Variants in NSL1 observed in about 807,000 individuals in gnomAD.
NSL1 encodes NSL1 component of MIS12 kinetochore complex, also known as kinetochore-associated protein NSL1 homolog.
In NSL1, 11 loss-of-function variants were observed where a neutral mutation model predicts 25.4. The observed-to-expected ratio is 0.43, with a 90% confidence interval of 0.27 to 0.72. NSL1 has a LOEUF of 0.72. Among genes scored for constraint, NSL1 ranks in the 30% least tolerant of loss-of-function variants. The pLI is 0.19. For synonymous variants in NSL1, 118 were observed against 120.6 expected, an observed-to-expected ratio of 0.98 and a Z score of 0.14; for missense variants, 330 against 342.7, an observed-to-expected ratio of 0.96 and a Z score of 0.29.
intron 4 of NSL1, among the ~76,000 whole-genome samples, chr1:212,750,230 A>T (rs1659002808): frequency 6.6e-6 from 1 of 152,104 alleles, no homozygotes; most frequent in Non-Finnish European, 1.5e-5. Context: ...AGATCAATCT[A>T]ACAAGGGAAC....
intron 4 of NSL1, among the ~76,000 whole-genome samples, chr1:212,768,727 G>A (rs1039599936): frequency 5.9e-5 from 9 of 152,156 alleles, no homozygotes; most frequent in Admixed American, 2.6e-4. Context: ...TTTGGGGTAA[G>A]GTTGTGGGGC....
At chr1:212,782,074 A>T in intron 4 of NSL1, 1 of 621,856 alleles carries the variant, frequency 1.6e-6, no homozygotes, top group Non-Finnish European at 3.1e-6. Context: ...TAGATAGTAC[A>T]ATGACAGAGA....
Position 212,727,358 on chromosome 1 carries a change from C to A in NSL1, c.*11050G>T. The A allele has an allele frequency of 1.0e-6, 1 of 985,420 alleles. No homozygotes were observed. The highest frequency in any genetic ancestry group is 1.2e-6 in the Non-Finnish European group (1 of 829,916). The allele number at this position is 985,420 out of a possible 1,614,324, so 61.0% of individuals were successfully genotyped here. ...GTAAGTCCTGGCACTCAGCACATGG[C>A]AGGAAGGTCACTTAACCAGGGAAAT... On this transcript the variant is annotated 3_prime_UTR_variant, in exon 6 of 6. Transcript: ENST00000366977.
At chr1:212,745,594 G>C (rs1469137942) in intron 4 of NSL1, among the ~76,000 whole-genome samples, 1 of 152,156 alleles carries the variant, frequency 6.6e-6, no homozygotes, top group Non-Finnish European at 1.5e-5. Flanking sequence ...AAAAAAATCT[G>C]TCCACCAAGA....
At chr1:212,788,522 CCAAAAAA>C (rs934579267) in intron 1 of NSL1, among the ~76,000 whole-genome samples, 17 of 151,746 alleles carry the variant, frequency 1.1e-4, no homozygotes, top group South Asian at 2.1e-4. Context: ...AGATAAAGAA[CCAAAAAA>C]CAAAAAACAA....
chr1:212,731,729 A>G lies in NSL1; in HGVS notation c.*6679T>C. ...GCTTTTTAGACATCCACTGACTTCC[A>G]GTTGTGGTGGGTGAAGATTTCACTC... is the stretch of plus-strand genomic sequence containing the variant. On this transcript the variant is annotated 3_prime_UTR_variant, in exon 6 of 6. Coordinates refer to ENST00000366977, the MANE Select transcript of NSL1 (RefSeq NM_015471.4). 1 of 985,410 alleles carries G rather than the reference A, an allele frequency of 1.0e-6. No individual in the cohort carries two copies. The highest frequency in any genetic ancestry group is 1.7e-5 in the African/African-American group (1 of 57,352). The allele number at this position is 985,410 out of a possible 1,614,324, so 61.0% of individuals were successfully genotyped here. A position where few individuals can be genotyped will look rare whatever the true frequency, so the allele number is the denominator to read the frequency against.
chr1:212,734,256 C>A lies in NSL1; in HGVS notation c.*4152G>T, dbSNP rs1346057562. 6.6e-6 allele frequency among the ~76,000 whole-genome samples: 1 copy of A among 152,270 alleles called. No homozygotes were observed. Among genetic ancestry groups the A allele is most frequent in the Non-Finnish European group, 1.5e-5 (1 of 68,024 alleles). On this transcript the variant is annotated 3_prime_UTR_variant, in exon 6 of 6. Transcript: ENST00000366977. Reference sequence around the variant, plus strand: ...TTAATTCACTCAGTTAACCACTATGCATCGAGGGCCCATCATGTGCCAGCA... The same window carrying A: ...TTAATTCACTCAGTTAACCACTATGAATCGAGGGCCCATCATGTGCCAGCA...
chr1:212,787,473 A>G (rs1660993502), intron 2 of NSL1, 86 bp downstream of exon 2: 2 of 899,798 alleles, frequency 2.2e-6, no homozygotes, highest in Non-Finnish European at 3.5e-6. Flanking sequence ...ATGACACTAA[A>G]TATGGAGATT....
intron 4 of NSL1, among the ~76,000 whole-genome samples, chr1:212,779,670 C>T (rs537788360): frequency 8.6e-6 from 1 of 115,914 alleles, no homozygotes; most frequent in South Asian, 3.1e-4. Context: ...CTCTGCCTGG[C>T]CGCCCCTACT....
chr1:212,732,001 C>CT lies in NSL1; in HGVS notation c.*6406dup, dbSNP rs1028682045. The CT allele has an allele frequency of 2.0e-6, 2 of 984,704 alleles. No homozygotes were observed. The highest frequency in any genetic ancestry group is 3.5e-5 in the African/African-American group (2 of 56,952). 61.0% of individuals were successfully genotyped at this position (984,704 alleles called of 1,614,324 possible). A position where few individuals can be genotyped will look rare whatever the true frequency, so the allele number is the denominator to read the frequency against. On this transcript the variant is annotated 3_prime_UTR_variant, in exon 6 of 6. Coordinates refer to ENST00000366977, the MANE Select transcript of NSL1 (RefSeq NM_015471.4). ...GCTGTACTAATTGCTAATTCCCATC[C>CT]TTTAGCCTCCCAGTGTAACTGTCCC... is the stretch of plus-strand genomic sequence containing the variant.
chr1:212,736,645 A>T lies in NSL1; in HGVS notation c.*1763T>A, dbSNP rs1159949359. The T allele has an allele frequency of 1.0e-6, 1 of 985,150 alleles. No individual in the cohort carries two copies. Among genetic ancestry groups the T allele is most frequent in the East Asian group, 1.1e-4 (1 of 8,832 alleles). 61.0% of individuals were successfully genotyped at this position (985,150 alleles called of 1,614,324 possible). ...CTATGGAGTAAAACTTTGGGCTCTCAAGAGGATTTCAAATCTCAGCTGTCT... is the reference window on the plus strand; with the variant it reads ...CTATGGAGTAAAACTTTGGGCTCTCTAGAGGATTTCAAATCTCAGCTGTCT... On this transcript the variant is annotated 3_prime_UTR_variant, in exon 6 of 6. Coordinates refer to ENST00000366977, the MANE Select transcript of NSL1 (RefSeq NM_015471.4).
At chr1:212,790,428 T>C (rs977379805) in intron 1 of NSL1, among the ~76,000 whole-genome samples, 1 of 152,178 alleles carries the variant, frequency 6.6e-6, no homozygotes, top group African/African-American at 2.4e-5. Flanking sequence ...TACATTTGCC[T>C]CTATACCACA....
chr1:212,744,511 G>GA (rs982895014), intron 4 of NSL1, among the ~76,000 whole-genome samples: 2 of 151,910 alleles, frequency 1.3e-5, no homozygotes, highest in African/African-American at 4.8e-5. Flanking sequence ...CCATTCACAG[G>GA]AAAAAAAGGA....
In NSL1 at chr1:212,731,974, GT is replaced by G. The variant is rs1658034455; in HGVS notation, c.*6433del. ...ATGTCCATCTAACTGTTCAGTGCCT[GT>G]GCTGTACTAATTGCTAATTCCCATC... On this transcript the variant is annotated 3_prime_UTR_variant, in exon 6 of 6. Transcript: ENST00000366977. 1.0e-6 allele frequency: 1 copy of G among 984,280 alleles called. No individual in the cohort carries two copies. The highest frequency in any genetic ancestry group is 6.2e-5 in the Admixed American group (1 of 16,192). 61.0% of individuals were successfully genotyped at this position (984,280 alleles called of 1,614,324 possible). A position where few individuals can be genotyped will look rare whatever the true frequency, so the allele number is the denominator to read the frequency against.
Position 212,787,244 on chromosome 1 carries a change from A to C in NSL1, c.313+315T>G, listed in dbSNP as rs114496596. Among the ~76,000 whole-genome samples, 577 of 152,298 alleles carry C rather than the reference A, an allele frequency of 3.8e-3. 4 individuals are homozygous for C. The highest frequency in any genetic ancestry group is 0.013 in the African/African-American group (560 of 41,570). On this transcript the variant is annotated intron_variant, in intron 2 of 5. Transcript: ENST00000366977. ...TTTACACGGTACTTGTATAATTAAT[A>C]ATAACTTCACACTTTTAAGGGTACT...
intron 4 of NSL1, among the ~76,000 whole-genome samples, chr1:212,779,450 C>T (rs1453480905): frequency 2.2e-5 from 3 of 134,212 alleles, no homozygotes; most frequent in Admixed American, 6.9e-5. Flanking sequence ...CCCGGCCGCC[C>T]CTACTGGGAA....
At position 212,744,090 on chromosome 1, in the gene NSL1, T is replaced by C. The variant is rs189088763; in HGVS notation, c.500-4489A>G. On this transcript the variant is annotated intron_variant, in intron 4 of 5. Coordinates refer to ENST00000366977, the MANE Select transcript of NSL1 (RefSeq NM_015471.4). The stretch of plus-strand genomic sequence containing the variant: ...CAGATGCAGCGTGCAGCACAGGAAG[T>C]CAGTTGGGGCAAACAAACTGCTTGC... Among the ~76,000 whole-genome samples, 10 of 152,208 alleles carry C rather than the reference T, an allele frequency of 6.6e-5. No individual in the cohort carries two copies. The East Asian group carries it at 1.7e-3, about 26-fold the overall frequency.
chr1:212,779,841 GC>G (rs1454260289), intron 4 of NSL1, among the ~76,000 whole-genome samples: 3 of 142,466 alleles, frequency 2.1e-5, no homozygotes, highest in African/African-American at 5.3e-5. Context: ...GGGGGGGTCA[GC>G]CCCCCGCCCG....
At position 212,728,161 on chromosome 1, in the gene NSL1, G is replaced by A. The variant is rs749197383; in HGVS notation, c.*10247C>T. ...TGTCTTGAGGATTAAAAGAGATGGT[G>A]CATGTGAAGCTTTTAGCATGATCAT... On this transcript the variant is annotated 3_prime_UTR_variant, in exon 6 of 6. Transcript: ENST00000366977. 1.8e-5 allele frequency: 17 copies of A among 932,162 alleles called. No individual in the cohort carries two copies. The highest frequency in any genetic ancestry group is 2.2e-5 in the Non-Finnish European group (17 of 781,412). The allele number at this position is 932,162 out of a possible 1,614,324, so 57.7% of individuals were successfully genotyped here.
Sources: gnomAD v4.1 joint callset for allele counts (sites outside exome capture counted in the v4.1 genomes callset) on GRCh38, gnomAD v4.1.1 for gene constraint, MANE v1.5 for transcripts, NCBI Gene and HGNC (gene_info 2026-07-23, HGNC 2026-07-21) for gene names.